The following NKAIN3 variants were observed in gnomAD, a reference collection of about 807,000 sequenced individuals.
NKAIN3 encodes sodium/potassium-transporting ATPase subunit beta-1-interacting protein 3.
A neutral mutation model predicts 30.2 loss-of-function variants in NKAIN3; 25 were observed. The ratio of observed to expected loss-of-function variants is 0.83; its 90% confidence interval spans 0.60 to 1.16. NKAIN3 has a LOEUF of 1.16. NKAIN3 is among the 50% of genes most tolerant of loss of function. The pLI is 0.00. For synonymous variants in NKAIN3, 91 were observed against 89.6 expected (o/e 1.02, Z -0.09); for missense variants, 225 against 254.1 (o/e 0.89, Z 0.78).
intron 1 of NKAIN3, among the ~76,000 whole-genome samples, chr8:62,405,613 C>A (rs763957206): frequency 6.6e-6 from 1 of 152,152 alleles, no homozygotes; most frequent in Non-Finnish European, 1.5e-5. Flanking sequence ...ATTCTCCATG[C>A]GGCAGTGCTG....
intron 1 of NKAIN3, among the ~76,000 whole-genome samples, chr8:62,421,202 G>T (rs1008347206): frequency 1.3e-5 from 2 of 152,144 alleles, no homozygotes; most frequent in East Asian, 3.9e-4. Context: ...GAAAGCATCA[G>T]CTCTCCTGTG....
intron 1 of NKAIN3, among the ~76,000 whole-genome samples, chr8:62,384,272 G>T (rs1424900016): frequency 2.0e-5 from 3 of 152,128 alleles, no homozygotes; most frequent in Admixed American, 6.6e-5. Context: ...TTGGAGTAGT[G>T]CAGTAGTTAA....
At chr8:62,701,572 T>A (rs1051836828) in intron 3 of NKAIN3, among the ~76,000 whole-genome samples, 1 of 152,052 alleles carries the variant, frequency 6.6e-6, no homozygotes, top group Non-Finnish European at 1.5e-5. Context: ...TAAAGTAAAA[T>A]CCTATTTTCA....
chr8:62,532,395 G>A (rs978912785), intron 1 of NKAIN3, among the ~76,000 whole-genome samples: 2 of 123,962 alleles, frequency 1.6e-5, no homozygotes, highest in Non-Finnish European at 3.4e-5. Flanking sequence ...TACATATAAC[G>A]TCTATACTTG....
chr8:62,729,042 A>AACAAACAAAC (rs1423316762), intron 3 of NKAIN3, among the ~76,000 whole-genome samples: 5 of 127,608 alleles, frequency 3.9e-5, no homozygotes, highest in African/African-American at 1.7e-4. Context: ...AAAAAAAACA[A>AACAAACAAAC]AAAAAAAAAA....
At chr8:62,638,655 T>C (rs1464899075) in intron 3 of NKAIN3, among the ~76,000 whole-genome samples, 3 of 152,126 alleles carry the variant, frequency 2.0e-5, no homozygotes, top group Non-Finnish European at 2.9e-5. Context: ...TTGCTGATGC[T>C]GTTTCTTTTT....
chr8:62,497,410 C>T (rs540897396), intron 1 of NKAIN3, among the ~76,000 whole-genome samples: 11 of 145,660 alleles, frequency 7.6e-5, no homozygotes, highest in South Asian at 2.2e-4. Context: ...TGTATGTGGA[C>T]GGTGATTTCT....
chr8:62,636,157 G>C (rs1197248008), intron 3 of NKAIN3, among the ~76,000 whole-genome samples: 1 of 152,154 alleles, frequency 6.6e-6, no homozygotes, highest in Non-Finnish European at 1.5e-5. Context: ...GATTGAAGTT[G>C]AGAATTGTAC....
At chr8:62,600,962 T>A (rs1034609960) in intron 3 of NKAIN3, among the ~76,000 whole-genome samples, 1 of 152,064 alleles carries the variant, frequency 6.6e-6, no homozygotes. Context: ...TCCTTCAAGG[T>A]TGGATTCTTC....
intron 3 of NKAIN3, among the ~76,000 whole-genome samples, chr8:62,621,526 A>T (rs76525992): frequency 0.024 from 3,598 of 152,142 alleles, 104 homozygotes; most frequent in African/African-American, 0.075. Flanking sequence ...ATGTTTCATT[A>T]CTTAAAATAT....
chr8:62,906,716 T>C (rs2130844514), intron 4 of NKAIN3, among the ~76,000 whole-genome samples: 1 of 152,336 alleles, frequency 6.6e-6, no homozygotes, highest in African/African-American at 2.4e-5. Flanking sequence ...CATGCCACCA[T>C]GTAAGACATG....
At chr8:62,884,871 T>C (rs2130818115) in intron 4 of NKAIN3, among the ~76,000 whole-genome samples, 1 of 152,274 alleles carries the variant, frequency 6.6e-6, no homozygotes, top group Non-Finnish European at 1.5e-5. Flanking sequence ...CCTTTTTTTC[T>C]TAGCCTGGCT....
intron 1 of NKAIN3, among the ~76,000 whole-genome samples, chr8:62,366,848 T>G (rs1260626076): frequency 6.6e-6 from 1 of 152,200 alleles, no homozygotes; most frequent in African/African-American, 2.4e-5. Flanking sequence ...CCGCCCTCTT[T>G]GAACTGCTTC....
chr8:62,651,828 A>C (rs1812628061), intron 3 of NKAIN3, among the ~76,000 whole-genome samples: 1 of 150,432 alleles, frequency 6.6e-6, no homozygotes. Flanking sequence ...AAAGTCTAGG[A>C]CCTCCCTCCT....
At chr8:62,929,733 C>T (rs1332326593) in intron 5 of NKAIN3, among the ~76,000 whole-genome samples, 1 of 152,016 alleles carries the variant, frequency 6.6e-6, no homozygotes, top group Non-Finnish European at 1.5e-5. Flanking sequence ...TTTTTTTAAG[C>T]TCTAAATCAA....
chr8:62,938,811 A>C (rs529133691), intron 5 of NKAIN3, among the ~76,000 whole-genome samples: 16 of 152,338 alleles, frequency 1.1e-4, no homozygotes, highest in African/African-American at 3.4e-4. Flanking sequence ...AGGAACCAGA[A>C]GAATAATTCT....
intron 3 of NKAIN3, among the ~76,000 whole-genome samples, chr8:62,659,542 A>G (rs1251049590): frequency 6.6e-6 from 1 of 152,222 alleles, no homozygotes. Context: ...TGTAACAACA[A>G]GGGCTTTATA....
At chr8:62,474,603 A>G (rs1806455375) in intron 1 of NKAIN3, among the ~76,000 whole-genome samples, 2 of 152,238 alleles carry the variant, frequency 1.3e-5, no homozygotes, top group Admixed American at 6.5e-5. Flanking sequence ...GATAGAACAA[A>G]ACCTTTTAAG....
intron 1 of NKAIN3, among the ~76,000 whole-genome samples, chr8:62,319,522 G>A (rs539012846): frequency 1.3e-5 from 2 of 152,052 alleles, no homozygotes; most frequent in East Asian, 3.9e-4. Flanking sequence ...AGAGATTCTG[G>A]TATGTTGTGT....
Sources: gnomAD v4.1 joint callset for allele counts (sites outside exome capture counted in the v4.1 genomes callset) on GRCh38, gnomAD v4.1.1 for gene constraint, MANE v1.5 for transcripts, NCBI Gene and HGNC (gene_info 2026-07-23, HGNC 2026-07-21) for gene names.